Variants in ADAMTSL1 observed in about 807,000 individuals in gnomAD.
The protein encoded by ADAMTSL1 is ADAMTS like 1, also known as ADAMTS-like protein 1.
In ADAMTSL1, 126 loss-of-function variants were observed where a neutral mutation model predicts 201.8. The ratio of observed to expected loss-of-function variants is 0.62; its 90% CI spans 0.54 to 0.72. The LOEUF (loss-of-function observed/expected upper bound fraction) is 0.72, where lower values mean the gene tolerates loss of function less well. Among genes scored for constraint, ADAMTSL1 ranks in the 30% least tolerant of loss-of-function variants. The pLI is 0.00. For synonymous variants in ADAMTSL1, 1,121 were observed against 903.4 expected (o/e 1.24, Z -4.32); for missense variants, 2,679 against 2,277.8 (o/e 1.18, Z -3.59).
rs1248406251 is a variant in ADAMTSL1, at chr9:17,925,386, C to T, written c.87+18464C>T. Among the ~76,000 whole-genome samples the T allele has an allele frequency of 2.8e-3, 320 of 116,086 alleles. 83 individuals carry two copies. Among genetic ancestry groups the T allele is most frequent in the Non-Finnish European group, 5.2e-3 (282 of 53,718 alleles). The allele number at this position is 116,086 out of a possible 152,430, so 76.2% of individuals were successfully genotyped here. On this transcript the variant is annotated intron_variant, in intron 1 of 29. Coordinates refer to the ADAMTSL1 transcript ENST00000680146. ...ACCCATATGACTATAAATCATGCTG[C>T]TATAAAGACACATGCACACGTATGT...
At chr9:18,875,487 T>G (rs1305339484) in intron 23 of ADAMTSL1, among the ~76,000 whole-genome samples, 1 of 152,188 alleles carries the variant, frequency 6.6e-6, no homozygotes, top group Non-Finnish European at 1.5e-5. Flanking sequence ...TTTTTTAATT[T>G]CTACCTTGAT....
chr9:18,255,333 CAT>C (rs1831642454), intron 2 of ADAMTSL1, among the ~76,000 whole-genome samples: 1 of 151,444 alleles, frequency 6.6e-6, no homozygotes, highest in Non-Finnish European at 1.5e-5. Context: ...ATCTTTAAAT[CAT>C]GTGTGTATGC....
intron 2 of ADAMTSL1, among the ~76,000 whole-genome samples, chr9:18,289,135 G>GTCTA (rs10622385): frequency 0.19 from 27,283 of 145,158 alleles, 2,699 homozygotes; most frequent in Non-Finnish European, 0.23. Flanking sequence ...ATATATGTCT[G>GTCTA]TCTATCTATC....
intron 1 of ADAMTSL1, among the ~76,000 whole-genome samples, chr9:18,131,400 G>T (rs1041827165): frequency 2.0e-5 from 3 of 152,122 alleles, no homozygotes; most frequent in Non-Finnish European, 2.9e-5. Flanking sequence ...CTGAAGTCAA[G>T]GTTGTATGAG....
chr9:18,682,697 A>G (rs1254281711), intron 12 of ADAMTSL1, among the ~76,000 whole-genome samples: 2 of 152,214 alleles, frequency 1.3e-5, no homozygotes, highest in East Asian at 1.9e-4. Context: ...AATTTTTAAT[A>G]TTAAATATGG....
rs933572852 is a variant in ADAMTSL1, at chr9:18,579,401, C to T, written c.474+5135C>T. The stretch of plus-strand genomic sequence containing the variant: ...GGGAGATATACCTAATGCTAGATGA[C>T]GAGTTAGTGGGTGCAGCACACCAGC... On this transcript the variant is annotated intron_variant, in intron 4 of 28. Coordinates refer to ENST00000380548, the MANE Select transcript of ADAMTSL1 (RefSeq NM_001040272.6). Among the ~76,000 whole-genome samples the T allele has an allele frequency of 2.7e-5, 4 of 146,664 alleles. No homozygotes were observed. In the South Asian group the frequency reaches 6.7e-4, roughly 25 times the overall value.
chr9:18,878,622 C>T (rs377448856), intron 23 of ADAMTSL1, among the ~76,000 whole-genome samples: 1 of 152,244 alleles, frequency 6.6e-6, no homozygotes, highest in Non-Finnish European at 1.5e-5. Flanking sequence ...ACTTTGGGCA[C>T]TCCCAGTTTT....
At chr9:18,667,661 T>A (rs1252161058) in intron 9 of ADAMTSL1, among the ~76,000 whole-genome samples, 2 of 152,168 alleles carry the variant, frequency 1.3e-5, no homozygotes, top group African/African-American at 4.8e-5. Context: ...TCAATAAATG[T>A]TAGCTGCAGC....
chr9:18,731,641 G>A (rs756992265), intron 15 of ADAMTSL1, among the ~76,000 whole-genome samples: 1 of 152,056 alleles, frequency 6.6e-6, no homozygotes, highest in Non-Finnish European at 1.5e-5. Context: ...AAGAAAAGAG[G>A]TTTAATTAGC....
chr9:18,594,906 T>C (rs763410771), intron 4 of ADAMTSL1, among the ~76,000 whole-genome samples: 1 of 152,132 alleles, frequency 6.6e-6, no homozygotes, highest in Non-Finnish European at 1.5e-5. Flanking sequence ...ATTAGGTAAT[T>C]ATTTTATTCT....
chr9:18,522,571 C>T (rs1039140402), intron 2 of ADAMTSL1, among the ~76,000 whole-genome samples: 1 of 151,098 alleles, frequency 6.6e-6, no homozygotes, highest in African/African-American at 2.5e-5. Flanking sequence ...AGTATATCCC[C>T]TAATGCTATC....
At chr9:18,522,220 T>C (rs994454973) in intron 2 of ADAMTSL1, among the ~76,000 whole-genome samples, 1 of 151,920 alleles carries the variant, frequency 6.6e-6, no homozygotes, top group Non-Finnish European at 1.5e-5. Context: ...GACAGGATCA[T>C]CCCTAACCCA....
At chr9:18,621,710 A>G (rs1343462514) in intron 4 of ADAMTSL1, among the ~76,000 whole-genome samples, 1 of 152,130 alleles carries the variant, frequency 6.6e-6, no homozygotes, top group Non-Finnish European at 1.5e-5. Flanking sequence ...AGGGCCTACA[A>G]TTGACCAAGC....
At chr9:18,082,174 G>A (rs896517374) in intron 1 of ADAMTSL1, among the ~76,000 whole-genome samples, 1 of 152,110 alleles carries the variant, frequency 6.6e-6, no homozygotes, top group East Asian at 1.9e-4. Flanking sequence ...TTTATATAAA[G>A]GCGGAACAAT....
chr9:18,028,700 CT>C (rs754605210), intron 1 of ADAMTSL1, among the ~76,000 whole-genome samples: 7 of 152,136 alleles, frequency 4.6e-5, no homozygotes, highest in Non-Finnish European at 8.8e-5. Context: ...AGTGTGATGC[CT>C]TCCACTTTGT....
At chr9:18,496,937 T>G (rs948588680) in intron 1 of ADAMTSL1, among the ~76,000 whole-genome samples, 1 of 152,190 alleles carries the variant, frequency 6.6e-6, no homozygotes, top group African/African-American at 2.4e-5. Context: ...AAGTTGGGAA[T>G]TCACAAAAAG....
intron 2 of ADAMTSL1, among the ~76,000 whole-genome samples, chr9:18,274,348 A>T (rs1341286699): frequency 1.3e-5 from 2 of 151,896 alleles, no homozygotes; most frequent in African/African-American, 4.8e-5. Flanking sequence ...CTTAAAAAAC[A>T]TGAAATATGG....
rs185317618 is a variant in ADAMTSL1 at position 18,507,039 on chromosome 9, C to T, written c.191+2083C>T. 1.6e-4 allele frequency among the ~76,000 whole-genome samples: 25 copies of T among 152,314 alleles called. 1 individual carries two copies. The highest frequency in any genetic ancestry group is 4.6e-4 in the Admixed American group (7 of 15,292). ...AAAAACTTGTCATCATCATTAAACTCTGGAACAATCTGGATAGAAAATGTA... is the reference window on the plus strand; with the variant it reads ...AAAAACTTGTCATCATCATTAAACTTTGGAACAATCTGGATAGAAAATGTA... On this transcript the variant is annotated intron_variant, in intron 2 of 28. Coordinates refer to ENST00000380548, the MANE Select transcript of ADAMTSL1 (RefSeq NM_001040272.6).
At chr9:18,341,235 C>G (rs1007088241) in intron 2 of ADAMTSL1, among the ~76,000 whole-genome samples, 2 of 152,070 alleles carry the variant, frequency 1.3e-5, no homozygotes, top group Admixed American at 1.3e-4. Flanking sequence ...CAGTTTTATT[C>G]TCTATACTCC....
Sources: allele counts gnomAD v4.1 joint callset (sites outside exome capture counted in the v4.1 genomes callset), GRCh38; gene constraint gnomAD v4.1.1; transcripts MANE v1.5; gene names NCBI Gene and HGNC (gene_info 2026-07-23, HGNC 2026-07-21).